TMEM132B: variants seen among roughly 807,000 people sequenced by gnomAD.
TMEM132B encodes the protein transmembrane protein 132B.
In TMEM132B, 18 loss-of-function variants were observed where a neutral mutation model predicts 90.8. The ratio of observed to expected loss-of-function variants is 0.20; its 90% CI spans 0.14 to 0.29. The LOEUF (loss-of-function observed/expected upper bound fraction) is 0.29, where lower values mean the gene tolerates loss of function less well. TMEM132B is among the 10% of genes least tolerant of loss of function. The pLI is 1.00. For missense variants in TMEM132B, 1,096 were observed against 1,326.8 expected (o/e 0.83, Z 2.70); for synonymous variants, 504 against 523.3 (o/e 0.96, Z 0.50).
chr12:125,561,085 C>T (rs902552626), intron 4 of TMEM132B, among the ~76,000 whole-genome samples: 5 of 152,106 alleles, frequency 3.3e-5, no homozygotes, highest in African/African-American at 4.8e-5. Flanking sequence ...ATGTTTATTG[C>T]GGCACTATTC....
chr12:125,617,011 C>T (rs1177225616), intron 5 of TMEM132B, among the ~76,000 whole-genome samples: 2 of 152,182 alleles, frequency 1.3e-5, no homozygotes, highest in Non-Finnish European at 2.9e-5. Context: ...TCCCATCTTC[C>T]AGAACCATGA....
chr12:125,298,124 C>T (rs565062599), intron 1 of TMEM132B, among the ~76,000 whole-genome samples: 45 of 152,184 alleles, frequency 3.0e-4, no homozygotes, highest in Admixed American at 1.5e-3. Flanking sequence ...GGCAAGGTGG[C>T]GCGAGCCTGT....
At chr12:125,551,859 A>T (rs1884237400) in intron 4 of TMEM132B, among the ~76,000 whole-genome samples, 4 of 152,172 alleles carry the variant, frequency 2.6e-5, no homozygotes, top group Admixed American at 2.6e-4. Flanking sequence ...CTAACCTGGC[A>T]CATTGTTTTC....
chr12:125,309,055 T>C (rs1472085626), intron 1 of TMEM132B, among the ~76,000 whole-genome samples: 2 of 152,246 alleles, frequency 1.3e-5, no homozygotes, highest in African/African-American at 4.8e-5. Flanking sequence ...ACCTGCTGTG[T>C]AATATTCCAT....
At position 125,415,653 on chromosome 12, in the gene TMEM132B, G is replaced by A; in HGVS notation, c.1082G>A (p.Gly361Asp). The A allele has an allele frequency of 6.2e-7, 1 of 1,614,138 alleles. No homozygotes were observed. The highest frequency in any genetic ancestry group is 2.2e-5 in the East Asian group (1 of 44,872). ...TQTSATLTCM[G>D]HRPDTQSRVN... ...ACGTCGGCCACCCTCACCTGCATGGGCCATCGCCCGGACACGCAGAGCAGG... is the reference window on the plus strand; with the variant it reads ...ACGTCGGCCACCCTCACCTGCATGGACCATCGCCCGGACACGCAGAGCAGG... Residue 361 changes from glycine (G) to aspartate (D), a missense_variant, in exon 3 of 9, where the codon GGC becomes GAC. By Grantham distance (94) the Gly-to-Asp change is moderately conservative. Coordinates refer to ENST00000682704, the MANE Select transcript of TMEM132B (RefSeq NM_001366854.1). This position sits in a 1 kb window ranked among gnomAD's most constrained non-coding sequence, Gnocchi z 5.3.
At chr12:125,465,729 T>C (rs377221165) in intron 3 of TMEM132B, among the ~76,000 whole-genome samples, 3 of 152,370 alleles carry the variant, frequency 2.0e-5, no homozygotes, top group East Asian at 3.9e-4. Flanking sequence ...ATCTGGTCAA[T>C]ACAGTCTTGT....
At chr12:125,304,371 C>A (rs1231515481) in intron 1 of TMEM132B, among the ~76,000 whole-genome samples, 1 of 152,026 alleles carries the variant, frequency 6.6e-6, no homozygotes, top group Non-Finnish European at 1.5e-5. Context: ...TTTAAGAAGT[C>A]CAATTTATTT....
intron 1 of TMEM132B, among the ~76,000 whole-genome samples, chr12:125,274,160 G>A (rs535679374): frequency 9.9e-5 from 15 of 152,184 alleles, no homozygotes; most frequent in Non-Finnish European, 1.8e-4. Context: ...CTTTGGTGCC[G>A]CCCCTCTTTC....
chr12:125,204,177 T>C (rs1042601031), intron 1 of TMEM132B, among the ~76,000 whole-genome samples: 10 of 152,040 alleles, frequency 6.6e-5, no homozygotes, highest in Non-Finnish European at 1.0e-4. Context: ...GAGGGCTCCA[T>C]GTACCAGGCA....
In TMEM132B at chr12:125,661,785, G is replaced by A. The variant is rs1887211262; in HGVS notation, c.*7075G>A. 1 of 152,228 alleles carries A rather than the reference G, an allele frequency of 6.6e-6. No homozygotes were observed. The highest frequency in any genetic ancestry group is 2.4e-5 in the African/African-American group (1 of 41,446). The allele number at this position is 152,228 out of a possible 1,614,324, so 9.4% of individuals were successfully genotyped here. ...TGATCAAACCTAGGGAAAAATAAGT[G>A]GCTATAAAACACTGAAAGATAGTCA... On this transcript the variant is annotated 3_prime_UTR_variant, in exon 9 of 9. Coordinates refer to ENST00000682704, the MANE Select transcript of TMEM132B (RefSeq NM_001366854.1).
intron 1 of TMEM132B, among the ~76,000 whole-genome samples, chr12:125,255,218 C>T (rs980699804): frequency 2.6e-5 from 4 of 151,960 alleles, no homozygotes; most frequent in Admixed American, 6.6e-5. Context: ...TGGCAGCTTG[C>T]GGAGCAAATT....
At chr12:125,452,942 C>T (rs905146418) in intron 3 of TMEM132B, among the ~76,000 whole-genome samples, 12 of 152,174 alleles carry the variant, frequency 7.9e-5, no homozygotes, top group African/African-American at 2.2e-4. Context: ...TTTTGCCTTA[C>T]GTTGTAAGTA....
intron 2 of TMEM132B, among the ~76,000 whole-genome samples, chr12:125,350,991 A>AGTTTGGTTTG (rs1373226215): frequency 6.6e-6 from 1 of 152,144 alleles, no homozygotes; most frequent in African/African-American, 2.4e-5. Flanking sequence ...GCCATATTAG[A>AGTTTGGTTTG]GTTTGGTGAA....
At chr12:125,621,742 G>C (rs1203304627) in intron 5 of TMEM132B, among the ~76,000 whole-genome samples, 1 of 152,120 alleles carries the variant, frequency 6.6e-6, no homozygotes, top group Non-Finnish European at 1.5e-5. Flanking sequence ...ACCAGCAAAA[G>C]TTTTTAATAA....
rs915986833 is a variant in TMEM132B, at chr12:125,619,379, T to G, written c.1438-24697T>G. ...TTATTTATTTATTTATTTATTTATT[T>G]ATTGAGACAGAGTCTCACTCTGTCA... is the stretch of plus-strand genomic sequence containing the variant. On this transcript the variant is annotated intron_variant, in intron 5 of 8. Coordinates refer to ENST00000682704, the MANE Select transcript of TMEM132B (RefSeq NM_001366854.1). Among the ~76,000 whole-genome samples the G allele has an allele frequency of 4.4e-5, 5 of 112,370 alleles. No individual in the cohort carries two copies. In the Admixed American group the frequency reaches 4.8e-4, roughly 11 times the overall value. 73.7% of individuals were successfully genotyped at this position (112,370 alleles called of 152,430 possible).
At chr12:125,594,595 G>T (rs561858941) in intron 5 of TMEM132B, among the ~76,000 whole-genome samples, 32 of 152,272 alleles carry the variant, frequency 2.1e-4, no homozygotes, top group African/African-American at 7.2e-4. Flanking sequence ...ATAGAGGTTT[G>T]TAATTTTGGT....
chr12:125,568,657 G>A (rs941476418), intron 4 of TMEM132B, among the ~76,000 whole-genome samples: 1 of 152,150 alleles, frequency 6.6e-6, no homozygotes, highest in African/African-American at 2.4e-5. Flanking sequence ...TGGCTCTTTT[G>A]ATGGTTCTTG....
intron 1 of TMEM132B, among the ~76,000 whole-genome samples, chr12:125,297,985 G>C (rs529709884): frequency 2.6e-5 from 4 of 152,284 alleles, no homozygotes; most frequent in South Asian, 4.1e-4. Context: ...TGGCATGATG[G>C]CTCATGCTTG....
intron 1 of TMEM132B, among the ~76,000 whole-genome samples, chr12:125,238,371 A>AC (rs1472096908): frequency 2.7e-5 from 4 of 146,600 alleles, no homozygotes; most frequent in Admixed American, 6.7e-5. Flanking sequence ...AAAACCAAAA[A>AC]AAAAACAAAA....
Sources: allele counts gnomAD v4.1 joint callset (sites outside exome capture counted in the v4.1 genomes callset), GRCh38; gene constraint gnomAD v4.1.1; non-coding constraint Gnocchi (gnomAD v3.1); transcripts MANE v1.5; gene names NCBI Gene and HGNC (gene_info 2026-07-23, HGNC 2026-07-21).